FRK: variants seen among roughly 807,000 people sequenced by gnomAD.
FRK encodes the protein tyrosine-protein kinase FRK.
A neutral mutation model predicts 56.4 loss-of-function variants in FRK; 51 were observed. The ratio of observed to expected loss-of-function variants is 0.90; its 90% CI spans 0.72 to 1.14. The LOEUF is 1.14. Ranked by LOEUF, FRK falls within the 50% of genes most tolerant of loss-of-function variation. FRK has a pLI of 0.00. For missense variants in FRK, 570 were observed against 601.4 expected (o/e 0.95, Z 0.55); for synonymous variants, 245 against 217.9 (o/e 1.12, Z -1.10).
intron 1 of FRK, among the ~76,000 whole-genome samples, chr6:116,023,770 C>A (rs1775969379): frequency 6.6e-6 from 1 of 152,002 alleles, no homozygotes. Context: ...AACCTCTCAT[C>A]TATATAACCA....
intron 2 of FRK, among the ~76,000 whole-genome samples, chr6:115,992,093 T>C (rs924388513): frequency 2.0e-5 from 3 of 151,782 alleles, no homozygotes; most frequent in Non-Finnish European, 4.4e-5. Context: ...ACCTAGCTAA[T>C]AGTCTATTTT....
At chr6:115,957,663 G>T (rs1050634500) in intron 4 of FRK, among the ~76,000 whole-genome samples, 7 of 152,184 alleles carry the variant, frequency 4.6e-5, no homozygotes, top group African/African-American at 1.7e-4. Context: ...AGTTGAGTTA[G>T]TTACATGTGA....
chr6:116,046,539 C>G (rs776511619), intron 1 of FRK, among the ~76,000 whole-genome samples: 1 of 152,120 alleles, frequency 6.6e-6, no homozygotes, highest in African/African-American at 2.4e-5. Context: ...GAACAGAAAA[C>G]CAAACACTGC....
At chr6:115,958,634 GGAAA>G (rs1379880268) in intron 4 of FRK, among the ~76,000 whole-genome samples, 3,943 of 55,692 alleles carry the variant, frequency 0.071, 331 homozygotes, top group Middle Eastern at 0.15. Context: ...TCTCAAAAAA[GGAAA>G]GAAAGAAAAG....
chr6:115,947,317 AGTGTGTGTGTGTGTGT>A (rs10577529), intron 5 of FRK, among the ~76,000 whole-genome samples: 8 of 149,792 alleles, frequency 5.3e-5, no homozygotes, highest in African/African-American at 7.4e-5. Flanking sequence ...AGACTTAAAC[AGTGTGTGTGTGTGTGT>A]GTGTGTGTGT....
chr6:115,959,156 TC>T (rs1357876384), intron 4 of FRK, among the ~76,000 whole-genome samples: 2 of 152,222 alleles, frequency 1.3e-5, no homozygotes, highest in Admixed American at 6.5e-5. Context: ...TTCAGGCTCA[TC>T]TTTATTGCGT....
the FRK span, among the ~76,000 whole-genome samples, chr6:116,086,383 G>A: frequency 6.6e-6 from 1 of 152,114 alleles, no homozygotes; most frequent in African/African-American, 2.4e-5. Context: ...CCTAAAATAA[G>A]TATTTTTCTA....
chr6:115,995,353 T>C (rs867539905), intron 2 of FRK, among the ~76,000 whole-genome samples: 10 of 152,156 alleles, frequency 6.6e-5, no homozygotes, highest in African/African-American at 2.2e-4. Flanking sequence ...GGGTAGAATA[T>C]ATCATGAATT....
intron 6 of FRK, among the ~76,000 whole-genome samples, chr6:115,943,611 T>C (rs2114511546): frequency 6.6e-6 from 1 of 152,038 alleles, no homozygotes; most frequent in South Asian, 2.1e-4. Context: ...AGGATCCAAG[T>C]GTTTTAAATT....
chr6:116,072,823 T>C, the FRK span, among the ~76,000 whole-genome samples: 1 of 152,174 alleles, frequency 6.6e-6, no homozygotes, highest in African/African-American at 2.4e-5. Context: ...TAAGGTGAGA[T>C]ATCTGTGGAA....
At chr6:115,993,701 T>A (rs769890083) in intron 2 of FRK, among the ~76,000 whole-genome samples, 1 of 152,080 alleles carries the variant, frequency 6.6e-6, no homozygotes, top group African/African-American at 2.4e-5. Flanking sequence ...GAAAGCTTTC[T>A]TATGCTACAT....
At chr6:116,038,724 A>T (rs752034958) in intron 1 of FRK, 2 of 453,532 alleles carry the variant, frequency 4.4e-6, no homozygotes, top group Non-Finnish European at 4.4e-6. Flanking sequence ...CTGAAGGCTG[A>T]CGCTGACCTT....
chr6:116,060,257 A>G lies in FRK; in HGVS notation c.55T>C (p.Leu19=). The change falls in exon 1 of 8, where the codon TTG becomes CTG. Residue 19 remains leucine, a synonymous_variant. Coordinates refer to ENST00000606080, the MANE Select transcript of FRK (RefSeq NM_002031.3). ...WEYLEPYLPC[L]STEADKSTVI... is the part of the protein sequence containing the mutation. The stretch of plus-strand genomic sequence containing the variant: ...GTTGACTTGTCTGCCTCCGTGGACA[A>G]ACAGGGGAGATAGGGTTCTAGGTAC... 6.2e-7 allele frequency: 1 copy of G among 1,614,160 alleles called. No homozygotes were observed. Among genetic ancestry groups the G allele is most frequent in the East Asian group, 2.2e-5 (1 of 44,874 alleles).
intron 1 of FRK, among the ~76,000 whole-genome samples, chr6:116,028,321 A>G (rs1397694234): frequency 6.6e-6 from 1 of 152,176 alleles, no homozygotes; most frequent in South Asian, 2.1e-4. Context: ...ATAAAATTTC[A>G]GTCTTTTGAT....
At chr6:116,011,478 A>G (rs1775464992) in intron 1 of FRK, among the ~76,000 whole-genome samples, 2 of 152,144 alleles carry the variant, frequency 1.3e-5, no homozygotes, top group South Asian at 4.1e-4. Flanking sequence ...CCAGGAAAAA[A>G]AAAAAACATC....
At chr6:116,027,582 T>C (rs955246540) in intron 1 of FRK, among the ~76,000 whole-genome samples, 11 of 152,074 alleles carry the variant, frequency 7.2e-5, no homozygotes, top group African/African-American at 2.4e-4. Flanking sequence ...TTATAAAAGG[T>C]CATTATAACT....
chr6:115,989,113 C>G (rs2114656917), intron 2 of FRK, among the ~76,000 whole-genome samples: 1 of 151,896 alleles, frequency 6.6e-6, no homozygotes, highest in East Asian at 1.9e-4. Context: ...CACTTTCTAG[C>G]TATCCAAAAA....
chr6:116,099,086 G>A, the FRK span, among the ~76,000 whole-genome samples: 1 of 152,210 alleles, frequency 6.6e-6, no homozygotes, highest in African/African-American at 2.4e-5. Context: ...GTAATAGCCA[G>A]ATCCAGTCCC....
intron 2 of FRK, among the ~76,000 whole-genome samples, chr6:115,973,654 G>A (rs774607360): frequency 6.6e-5 from 10 of 152,162 alleles, no homozygotes; most frequent in Non-Finnish European, 1.5e-4. Context: ...CAGATCACTT[G>A]AGGACAGGAG....
Sources: allele counts gnomAD v4.1 joint callset (sites outside exome capture counted in the v4.1 genomes callset), GRCh38; gene constraint gnomAD v4.1.1; transcripts MANE v1.5; gene names NCBI Gene and HGNC (gene_info 2026-07-23, HGNC 2026-07-21).